Variants in EVI5 observed in about 807,000 individuals in gnomAD.
EVI5 encodes ecotropic viral integration site 5.
A neutral mutation model predicts 112.0 loss-of-function variants in EVI5; 73 were observed. The ratio of observed to expected loss-of-function variants is 0.65; its 90% CI spans 0.54 to 0.79. The LOEUF (loss-of-function observed/expected upper bound fraction) is 0.79. Ranked by LOEUF, EVI5 falls within the 30% of genes least tolerant of loss-of-function variation. The pLI, the probability that EVI5 is intolerant of heterozygous loss-of-function variation, is 0.00. For missense variants in EVI5, 900 were observed against 968.8 expected (o/e 0.93, Z 0.94); for synonymous variants, 305 against 319.9 (o/e 0.95, Z 0.50).
intron 19 of EVI5, among the ~76,000 whole-genome samples, chr1:92,525,949 C>T (rs892722084): frequency 1.3e-5 from 2 of 152,178 alleles, no homozygotes; most frequent in Admixed American, 6.5e-5. Flanking sequence ...TTAATATAAA[C>T]GTATACACAC....
chr1:92,660,129 T>C (rs1482394017), intron 13 of EVI5, among the ~76,000 whole-genome samples: 2 of 151,926 alleles, frequency 1.3e-5, no homozygotes, highest in Non-Finnish European at 2.9e-5. Context: ...GGATACAATA[T>C]ATACTATTCA....
chr1:92,562,353 C>A (rs1203838618), intron 19 of EVI5, among the ~76,000 whole-genome samples: 1 of 151,952 alleles, frequency 6.6e-6, no homozygotes, highest in Non-Finnish European at 1.5e-5. Context: ...CACAGTGAAA[C>A]CCCGTCTCTA....
chr1:92,744,583 A>G lies in EVI5; in HGVS notation c.-81-7956T>C, dbSNP rs183545286. Among the ~76,000 whole-genome samples the G allele has an allele frequency of 8.1e-3, 135 of 16,594 alleles. 2 individuals carry two copies. The highest frequency in any genetic ancestry group is 0.011 in the African/African-American group (128 of 11,384). 10.9% of individuals were successfully genotyped at this position (16,594 alleles called of 152,430 possible). On this transcript the variant is annotated intron_variant, in intron 1 of 19. Coordinates refer to ENST00000684568, the MANE Select transcript of EVI5 (RefSeq NM_001350197.2). ...TTTGAAATTAATATAATTATGCCAAATATCTCTCTCTCTCTCTCACACACA... is the reference window on the plus strand; with the variant it reads ...TTTGAAATTAATATAATTATGCCAAGTATCTCTCTCTCTCTCTCACACACA...
intron 13 of EVI5, among the ~76,000 whole-genome samples, chr1:92,651,777 G>A: frequency 6.9e-6 from 1 of 145,144 alleles, no homozygotes; most frequent in Non-Finnish European, 1.5e-5. Context: ...CGTGAACCCG[G>A]GAGGCGGAGC....
intron 9 of EVI5, among the ~76,000 whole-genome samples, chr1:92,689,110 A>G (rs1311042595): frequency 6.6e-6 from 1 of 152,176 alleles, no homozygotes; most frequent in African/African-American, 2.4e-5. Flanking sequence ...CTTATTAACA[A>G]TCAAGGAAAT....
At chr1:92,575,958 A>AT (rs1007272338) in intron 18 of EVI5, among the ~76,000 whole-genome samples, 13 of 152,126 alleles carry the variant, frequency 8.5e-5, no homozygotes, top group African/African-American at 2.9e-4. Flanking sequence ...AAACAGAAAC[A>AT]TTTTCCATTC....
At chr1:92,670,339 A>G (rs1665656986) in intron 10 of EVI5, among the ~76,000 whole-genome samples, 1 of 152,208 alleles carries the variant, frequency 6.6e-6, no homozygotes, top group African/African-American at 2.4e-5. Flanking sequence ...TCAGTTTACA[A>G]AGTAACCCAA....
chr1:92,600,811 T>C (rs949418452), intron 18 of EVI5, among the ~76,000 whole-genome samples: 1 of 152,174 alleles, frequency 6.6e-6, no homozygotes, highest in African/African-American at 2.4e-5. Context: ...TAACAGGCCA[T>C]GGACTGATAC....
At chr1:92,556,862 T>G (rs934187318) in intron 19 of EVI5, among the ~76,000 whole-genome samples, 4 of 151,912 alleles carry the variant, frequency 2.6e-5, no homozygotes, top group Non-Finnish European at 5.9e-5. Context: ...TAGGCTGGAG[T>G]GCAGTGGCAT....
intron 3 of EVI5, among the ~76,000 whole-genome samples, chr1:92,704,185 A>T (rs1471929692): frequency 1.3e-5 from 2 of 152,066 alleles, no homozygotes; most frequent in Non-Finnish European, 2.9e-5. Flanking sequence ...GTGGTGACAC[A>T]CACCTGTAAT....
At chr1:92,777,785 GTTA>G (rs1480413964) in intron 1 of EVI5, among the ~76,000 whole-genome samples, 4 of 152,194 alleles carry the variant, frequency 2.6e-5, no homozygotes, top group African/African-American at 9.6e-5. Flanking sequence ...AGAAAGTTGT[GTTA>G]TTGTTGTTTG....
intron 19 of EVI5, among the ~76,000 whole-genome samples, chr1:92,522,365 T>C (rs1661074378): frequency 6.6e-6 from 1 of 152,076 alleles, no homozygotes; most frequent in Non-Finnish European, 1.5e-5. Flanking sequence ...TTGCCAGGCG[T>C]GGTGGCTCGT....
intron 19 of EVI5, among the ~76,000 whole-genome samples, chr1:92,534,305 T>C (rs1337906465): frequency 6.6e-6 from 1 of 152,140 alleles, no homozygotes; most frequent in Non-Finnish European, 1.5e-5. Context: ...GGAAAAACAT[T>C]CCATGCTTAT....
intron 10 of EVI5, among the ~76,000 whole-genome samples, chr1:92,673,503 C>A (rs1666216580): frequency 1.3e-5 from 2 of 151,646 alleles, no homozygotes; most frequent in Admixed American, 1.3e-4. Context: ...TAATTTTTTT[C>A]TTTTTTAAAA....
intron 18 of EVI5, among the ~76,000 whole-genome samples, chr1:92,581,768 G>A (rs1322435508): frequency 1.2e-5 from 1 of 83,942 alleles, no homozygotes; most frequent in African/African-American, 5.0e-5. Flanking sequence ...GCCATCTTTG[G>A]TGCAACATTT....
At chr1:92,563,280 G>A (rs1306033402) in intron 19 of EVI5, among the ~76,000 whole-genome samples, 1 of 152,014 alleles carries the variant, frequency 6.6e-6, no homozygotes, top group Admixed American at 6.6e-5. Context: ...TGCATGCAAC[G>A]GTAAATACCA....
chr1:92,643,519 C>T (rs776478217), intron 13 of EVI5, among the ~76,000 whole-genome samples: 2 of 152,070 alleles, frequency 1.3e-5, no homozygotes, highest in African/African-American at 2.4e-5. Context: ...AAGCAATCCT[C>T]TTGTCTTGTC....
At chr1:92,678,287 T>C (rs540300334) in intron 9 of EVI5, among the ~76,000 whole-genome samples, 2 of 152,204 alleles carry the variant, frequency 1.3e-5, no homozygotes, top group South Asian at 4.1e-4. Context: ...TCCCAGCACT[T>C]TGGGGGGCCA....
At chr1:92,655,023 G>C (rs1358817274) in intron 13 of EVI5, among the ~76,000 whole-genome samples, 1 of 152,142 alleles carries the variant, frequency 6.6e-6, no homozygotes, top group Non-Finnish European at 1.5e-5. Context: ...TCCTGAGGGA[G>C]ATGAAAAAGC....
Sources: gnomAD v4.1 joint callset for allele counts (sites outside exome capture counted in the v4.1 genomes callset) on GRCh38, gnomAD v4.1.1 for gene constraint, MANE v1.5 for transcripts, NCBI Gene and HGNC (gene_info 2026-07-23, HGNC 2026-07-21) for gene names.